The following LARS2 variants were observed in gnomAD, a reference collection of about 807,000 sequenced individuals.
LARS2 encodes leucyl-tRNA synthetase 2, mitochondrial, also known as leucine--tRNA ligase, mitochondrial.
A neutral mutation model predicts 116.6 loss-of-function variants in LARS2; 81 were observed. The observed-to-expected ratio is 0.69, with a 90% CI of 0.58 to 0.84. LARS2 has a LOEUF of 0.84. Among genes scored for constraint, LARS2 ranks in the 40% least tolerant of loss-of-function variants. The pLI is 0.00. For missense variants in LARS2, 968 were observed against 1,114.5 expected (o/e 0.87, Z 1.87); for synonymous variants, 396 against 407.2 (o/e 0.97, Z 0.33).
At position 45,523,947 on chromosome 3, in the gene LARS2, G is replaced by A. The variant is rs76190197; in HGVS notation, c.2293-50G>A. On this transcript the variant is annotated intron_variant, in intron 19 of 21. Coordinates refer to ENST00000645846, the MANE Select transcript of LARS2 (RefSeq NM_015340.4). The stretch of plus-strand genomic sequence containing the variant: ...GATACATTAATGGTCTTTCTTACCC[G>A]TGCTTATTTTTACACCTCAGTCTTC... 54,675 of 1,330,434 alleles carry A rather than the reference G, an allele frequency of 0.041. 1,235 individuals carry two copies. Among genetic ancestry groups the A allele is most frequent in the Middle Eastern group, 0.06 (329 of 5,454 alleles). The allele number at this position is 1,330,434 out of a possible 1,614,324, so 82.4% of individuals were successfully genotyped here.
At chr3:45,536,442 C>A (rs1051306064) in intron 20 of LARS2, among the ~76,000 whole-genome samples, 1 of 152,224 alleles carries the variant, frequency 6.6e-6, no homozygotes, top group Non-Finnish European at 1.5e-5. Context: ...CATACACACA[C>A]ACCTAACCAG....
intron 8 of LARS2, among the ~76,000 whole-genome samples, chr3:45,472,683 A>G (rs546327306): frequency 2.5e-4 from 38 of 152,382 alleles, no homozygotes; most frequent in African/African-American, 8.4e-4. Flanking sequence ...GTTGTTATAA[A>G]GTAGTAATTG....
chr3:45,400,054 C>A (rs936142964), intron 3 of LARS2, among the ~76,000 whole-genome samples, 191 bp from the exon 4 acceptor site: 4 of 151,726 alleles, frequency 2.6e-5, no homozygotes, highest in Admixed American at 6.6e-5. Flanking sequence ...TTTGGACATT[C>A]TTTAGCTTAA....
intron 20 of LARS2, among the ~76,000 whole-genome samples, chr3:45,541,236 C>T (rs1415514625): frequency 1.3e-5 from 2 of 152,122 alleles, no homozygotes. Context: ...GGTTTCATTC[C>T]TCAGTGTTTC....
At chr3:45,463,187 A>G (rs1699362376) in intron 8 of LARS2, among the ~76,000 whole-genome samples, 2 of 152,230 alleles carry the variant, frequency 1.3e-5, no homozygotes, top group Non-Finnish European at 2.9e-5. Context: ...AACTGGAAGG[A>G]GAGGCAAATA....
At chr3:45,511,993 C>T (rs1277552419) in intron 15 of LARS2, among the ~76,000 whole-genome samples, 3 of 152,000 alleles carry the variant, frequency 2.0e-5, no homozygotes, top group Non-Finnish European at 4.4e-5. Flanking sequence ...CCAGGCCAGT[C>T]TCAAACTTTG....
chr3:45,534,733 T>C (rs577142486), intron 20 of LARS2, among the ~76,000 whole-genome samples: 2 of 152,332 alleles, frequency 1.3e-5, no homozygotes, highest in East Asian at 3.9e-4. Context: ...GCAAACATTT[T>C]AGAGACGCCG....
intron 3 of LARS2, among the ~76,000 whole-genome samples, chr3:45,399,312 T>C (rs1196724532): frequency 1.3e-5 from 2 of 152,216 alleles, no homozygotes; most frequent in Non-Finnish European, 2.9e-5. Flanking sequence ...TATAGAGAAT[T>C]TAGGAAGAGA....
intron 20 of LARS2, among the ~76,000 whole-genome samples, chr3:45,524,907 A>T (rs904004076): frequency 2.0e-5 from 3 of 152,222 alleles, no homozygotes; most frequent in Admixed American, 6.5e-5. Flanking sequence ...GAAGAATTTG[A>T]GGATTATTTG....
intron 18 of LARS2, among the ~76,000 whole-genome samples, chr3:45,518,396 C>G (rs1291107638): frequency 6.6e-6 from 1 of 152,110 alleles, no homozygotes; most frequent in African/African-American, 2.4e-5. Flanking sequence ...AGCAGAGAAC[C>G]AAATCCAGGA....
intron 7 of LARS2, 137 bp downstream of exon 7, chr3:45,447,117 T>A: frequency 1.8e-6 from 1 of 558,788 alleles, no homozygotes; most frequent in South Asian, 2.4e-5. Flanking sequence ...TACTTCCTAC[T>A]TAAGTTTAGT....
In LARS2 at chr3:45,485,111, T is replaced by C. The variant is rs543393199; in HGVS notation, c.1019-581T>C. Among the ~76,000 whole-genome samples the C allele has an allele frequency of 2.3e-3, 346 of 152,342 alleles. 2 individuals are homozygous for C. The highest frequency in any genetic ancestry group is 7.8e-3 in the African/African-American group (323 of 41,572). ...GTTCTGTGAGTGTCCTCATACTTTT[T>C]TCTTTGTTGGATCCCTTGTTTCCTG... On this transcript the variant is annotated intron_variant, in intron 10 of 21. Transcript: ENST00000645846.
At chr3:45,395,303 A>G (rs758617576) in intron 3 of LARS2, among the ~76,000 whole-genome samples, 3 of 152,244 alleles carry the variant, frequency 2.0e-5, no homozygotes, top group Non-Finnish European at 4.4e-5. Context: ...GGTAGCAGCT[A>G]CATGAGTTAG....
chr3:45,458,692 A>C, intron 7 of LARS2, 51 bp from the exon 8 acceptor site: 1 of 1,604,812 alleles, frequency 6.2e-7, no homozygotes, highest in East Asian at 2.2e-5. Context: ...CTGTCAAAAA[A>C]AAAAAAGAGT....
intron 20 of LARS2, among the ~76,000 whole-genome samples, chr3:45,532,054 A>G (rs1358008638): frequency 6.6e-6 from 1 of 152,244 alleles, no homozygotes; most frequent in Non-Finnish European, 1.5e-5. Flanking sequence ...TCAGCAAATA[A>G]GGATGTTTTC....
chr3:45,504,734 T>G (rs1462044484), intron 15 of LARS2, among the ~76,000 whole-genome samples: 7 of 151,976 alleles, frequency 4.6e-5, no homozygotes, highest in Admixed American at 2.6e-4. Context: ...TCACAGATAC[T>G]ACACATTTTT....
At chr3:45,418,945 A>C (rs147680614) in intron 5 of LARS2, among the ~76,000 whole-genome samples, 2 of 152,386 alleles carry the variant, frequency 1.3e-5, no homozygotes, top group African/African-American at 4.8e-5. Flanking sequence ...AAGACTAAGC[A>C]CTTCTCTGCA....
intron 4 of LARS2, among the ~76,000 whole-genome samples, chr3:45,411,205 A>G (rs1376228498): frequency 6.6e-6 from 1 of 152,230 alleles, no homozygotes; most frequent in Admixed American, 6.5e-5. Context: ...AGTGCTGTAA[A>G]GAGTTGCAGC....
chr3:45,428,833 G>T (rs569768056), intron 6 of LARS2, among the ~76,000 whole-genome samples: 1 of 152,074 alleles, frequency 6.6e-6, no homozygotes, highest in South Asian at 2.1e-4. Flanking sequence ...AATTATTGCT[G>T]TATTCGCTTT....
Sources: gnomAD v4.1 joint callset for allele counts (sites outside exome capture counted in the v4.1 genomes callset) on GRCh38, gnomAD v4.1.1 for gene constraint, MANE v1.5 for transcripts, NCBI Gene and HGNC (gene_info 2026-07-23, HGNC 2026-07-21) for gene names.